The following CHD1 variants were observed in gnomAD, a reference collection of about 807,000 sequenced individuals.
CHD1 encodes ATP-dependent chromatin remodeler CHD1.
Under a neutral mutation model 224.2 loss-of-function variants are expected in CHD1, and 36 were observed. That is an observed-to-expected ratio of 0.16 (90% CI 0.12 to 0.21). The LOEUF is 0.21. CHD1 is among the 10% of genes least tolerant of loss of function. The pLI, the probability that CHD1 is intolerant of heterozygous loss-of-function variation, is 1.00. For synonymous variants in CHD1, 668 were observed against 658.3 expected, an observed-to-expected ratio of 1.01 and a Z score of -0.23; for missense variants, 1,378 against 1,994.8, an observed-to-expected ratio of 0.69 and a Z score of 5.89.
chr5:98,868,909 A>G, intron 30 of CHD1: 1 of 535,276 alleles, frequency 1.9e-6, no homozygotes, highest in Non-Finnish European at 2.5e-6. Flanking sequence ...CTTCTGAAGA[A>G]CTCAGTTATT....
rs1303209809 is a variant in CHD1, at chr5:98,892,772, T to A, written c.1992-59A>T. 1.2e-5 allele frequency: 15 copies of A among 1,206,008 alleles called. No homozygotes were observed. The Admixed American group carries it at 4.1e-4, about 33-fold the overall frequency. The allele number at this position is 1,206,008 out of a possible 1,614,324, so 74.7% of individuals were successfully genotyped here. ...AAAAAATCAAATTGTGTATGTTGTG[T>A]ATGAACTTTTTTTTTTAGGGGAGTC... On this transcript the variant is annotated intron_variant, in intron 14 of 35. Coordinates refer to ENST00000614616, the MANE Select transcript of CHD1 (RefSeq NM_001270.4).
Position 98,856,145 on chromosome 5 carries a change from A to G in CHD1, c.*235T>C. On this transcript the variant is annotated 3_prime_UTR_variant, in exon 36 of 36. Coordinates refer to ENST00000614616, the MANE Select transcript of CHD1 (RefSeq NM_001270.4). ...TAGTAAACATTTTCCATTTCTTTAA[A>G]AAAGAAAACAAAAAAAAGTACTACA... 2.8e-6 allele frequency: 1 copy of G among 355,000 alleles called. No homozygotes were observed. The highest frequency in any genetic ancestry group is 5.2e-6 in the Non-Finnish European group (1 of 192,094). The allele number at this position is 355,000 out of a possible 1,614,324, so 22.0% of individuals were successfully genotyped here. A position where few individuals can be genotyped will look rare whatever the true frequency, so the allele number is the denominator to read the frequency against.
chr5:98,856,418 T>C lies in CHD1; in HGVS notation c.5095A>G (p.Ser1699Gly), dbSNP rs752225439. The C allele has an allele frequency of 6.2e-7, 1 of 1,613,510 alleles. No individual in the cohort carries two copies. The highest frequency in any genetic ancestry group is 1.7e-5 in the Admixed American group (1 of 59,974). ...CTACTCCAGGTATGCTCCGGTGTAC[T>C]TTTGTGTTCAACTGAATGTTCAAAT... Reference protein sequence around the residue: ...SPFEHSVEHKSTPEHTWSSRK... With the variant: ...SPFEHSVEHKGTPEHTWSSRK... The change falls in exon 36 of 36, where the codon AGT (serine) becomes GGT (glycine). Residue 1699 changes from serine to glycine, a missense_variant. Ser to Gly is a moderately conservative substitution (Grantham distance 56). Around this residue, in one of 16 missense-constraint regions of CHD1, gnomAD observed 278 missense variants for 298.5 expected, o/e 0.93. Transcript: ENST00000614616.
Position 98,860,014 on chromosome 5 carries a change from A to G in CHD1, c.4482T>C (p.His1494=), listed in dbSNP as rs1421655796. 2 of 1,564,596 alleles carry G rather than the reference A, an allele frequency of 1.3e-6. No individual in the cohort carries two copies. Among genetic ancestry groups the G allele is most frequent in the Non-Finnish European group, 1.7e-6 (2 of 1,154,726 alleles). The part of the protein sequence containing the change: ...KFTEFDARKL[H]KLYKHAIKKR... ...TTTTAATAGCATGCTTATATAATTT[A>G]TGTAATTTTCTTGCATCAAATTCAG... Residue 1494 remains histidine (H), a synonymous_variant, in exon 33 of 36, where the codon CAT becomes CAC. Transcript: ENST00000614616.
At position 98,854,112 on chromosome 5, in the gene CHD1, T is replaced by C. The variant is rs1747862429; in HGVS notation, c.*2268A>G. 1 of 151,968 alleles carries C rather than the reference T, an allele frequency of 6.6e-6. No homozygotes were observed. Among genetic ancestry groups the C allele is most frequent in the Non-Finnish European group, 1.5e-5 (1 of 67,864 alleles). 9.4% of individuals were successfully genotyped at this position (151,968 alleles called of 1,614,324 possible). ...AACAAAGCAGAATGAAAACAGAATA[T>C]TTTATGGAGAATGTTCTGCTATATT... On this transcript the variant is annotated 3_prime_UTR_variant, in exon 36 of 36. Coordinates refer to ENST00000614616, the MANE Select transcript of CHD1 (RefSeq NM_001270.4).
chr5:98,920,936 C>T (rs925006589), intron 2 of CHD1, among the ~76,000 whole-genome samples: 1 of 151,798 alleles, frequency 6.6e-6, no homozygotes, highest in Non-Finnish European at 1.5e-5. Context: ...ACTGGGGAGA[C>T]GTGACAACTA....
chr5:98,927,429 G>C (rs984650972), intron 1 of CHD1, among the ~76,000 whole-genome samples: 8 of 151,956 alleles, frequency 5.3e-5, no homozygotes, highest in Non-Finnish European at 8.8e-5. Flanking sequence ...GCTGTCCTCC[G>C]ACCTCAGCAA....
At chr5:98,876,369 G>A in intron 24 of CHD1, 29 bp downstream of exon 24, 1 of 1,601,000 alleles carries the variant, frequency 6.2e-7, no homozygotes, top group East Asian at 2.2e-5. Flanking sequence ...CTAAAACCAA[G>A]TTGAAGCGAT....
chr5:98,928,164 G>C (rs1172801836), intron 1 of CHD1, among the ~76,000 whole-genome samples: 1 of 150,610 alleles, frequency 6.6e-6, no homozygotes, highest in Non-Finnish European at 1.5e-5. Flanking sequence ...TCCCAGGCTC[G>C]CCCGAGCCGC....
At chr5:98,880,412 GT>G (rs1042594024) in intron 22 of CHD1, among the ~76,000 whole-genome samples, 69 of 152,272 alleles carry the variant, frequency 4.5e-4, no homozygotes, top group African/African-American at 1.6e-3. Flanking sequence ...AATTATAAAA[GT>G]TTTTTATTCA....
intron 2 of CHD1, among the ~76,000 whole-genome samples, chr5:98,913,714 G>T (rs754466697): frequency 7.9e-5 from 12 of 152,086 alleles, no homozygotes; most frequent in Admixed American, 1.3e-4. Context: ...ATAAAAAAAG[G>T]AAAAGATGTT....
In CHD1 at chr5:98,879,585, A is replaced by G; in HGVS notation, c.3204T>C (p.Tyr1068=). ...EERQKELEEI[Y]MLPRMRNCAK... ...CACAATTTCTCATTCTTGGGAGCAT[A>G]TAAATTTCTTCAAGTTCCTTTTGTC... The change falls in exon 23 of 36, where the codon TAT becomes TAC. Residue 1068 remains tyrosine (Y), a synonymous_variant. Transcript: ENST00000614616. The G allele has an allele frequency of 6.2e-7, 1 of 1,600,834 alleles. No homozygotes were observed. Among genetic ancestry groups the G allele is most frequent in the Non-Finnish European group, 8.5e-7 (1 of 1,176,940 alleles).
Position 98,876,572 on chromosome 5 carries a change from A to G in CHD1, c.3238-14T>C. ...ATTGAAACTAATCTGGAATTGGAAA[A>G]TATTTACCCAACCTTAGTGTAAAAA... On this transcript the variant is annotated splice_polypyrimidine_tract_variant and intron_variant, in intron 23 of 35. Transcript: ENST00000614616. 1 of 1,611,000 alleles carries G rather than the reference A, an allele frequency of 6.2e-7. No homozygotes were observed.
chr5:98,858,849 G>A, intron 34 of CHD1, 115 bp downstream of exon 34: 1 of 563,782 alleles, frequency 1.8e-6, no homozygotes, highest in Non-Finnish European at 3.0e-6. Context: ...TTAATATAAA[G>A]GTACTTATAA....
At chr5:98,911,441 T>A (rs796994910) in intron 2 of CHD1, among the ~76,000 whole-genome samples, 19 of 151,990 alleles carry the variant, frequency 1.3e-4, no homozygotes, top group African/African-American at 4.6e-4. Context: ...AAAATGCTGG[T>A]TTGGGCAAAA....
In CHD1 at chr5:98,900,801, T is replaced by C. The variant is rs773372928; in HGVS notation, c.859+10A>G. The C allele has an allele frequency of 6.2e-7, 1 of 1,602,780 alleles. No homozygotes were observed. The highest frequency in any genetic ancestry group is 1.1e-5 in the South Asian group (1 of 89,578). On this transcript the variant is annotated intron_variant, in intron 7 of 35. Coordinates refer to ENST00000614616, the MANE Select transcript of CHD1 (RefSeq NM_001270.4). ...AATAACCAAACAATAAATGGTTTTT[T>C]AAAAACTACCTCCTTTTCTCCCAAT... is the stretch of plus-strand genomic sequence containing the variant.
intron 23 of CHD1, among the ~76,000 whole-genome samples, chr5:98,878,537 T>C: frequency 6.6e-6 from 1 of 152,242 alleles, no homozygotes. Context: ...TTAGAATTTT[T>C]TTCCTTTTTG....
intron 2 of CHD1, among the ~76,000 whole-genome samples, chr5:98,906,014 A>G (rs325196): frequency 0.031 from 4,698 of 152,290 alleles, 238 homozygotes; most frequent in African/African-American, 0.11. Flanking sequence ...ATACAAGAAA[A>G]TACAAGTTTC....
intron 20 of CHD1, 146 bp downstream of exon 20, chr5:98,881,829 C>G (rs1303832368): frequency 4.7e-6 from 3 of 641,356 alleles, no homozygotes; most frequent in African/African-American, 3.7e-5. Flanking sequence ...AGTATGTCTT[C>G]TAACTAGAAA....
Sources: gnomAD v4.1 joint callset for allele counts (sites outside exome capture counted in the v4.1 genomes callset) on GRCh38, gnomAD v4.1.1 for gene constraint, gnomAD v4.1.1 regional missense constraint, MANE v1.5 for transcripts, NCBI Gene and HGNC (gene_info 2026-07-23, HGNC 2026-07-21) for gene names.